LAMA1: variants seen among roughly 807,000 people sequenced by gnomAD.
LAMA1 encodes laminin subunit alpha 1.
In LAMA1, 219 loss-of-function variants were observed where a neutral mutation model predicts 348.7. The observed-to-expected ratio is 0.63, with a 90% confidence interval of 0.56 to 0.70. The LOEUF (loss-of-function observed/expected upper bound fraction) is 0.70, where lower values mean the gene tolerates loss of function less well. Ranked by LOEUF, LAMA1 falls within the 30% of genes least tolerant of loss-of-function variation. The pLI, the probability that LAMA1 is intolerant of heterozygous loss-of-function variation, is 0.00. For synonymous variants in LAMA1, 1,487 were observed against 1,491.0 expected (o/e 1.00, Z 0.06); for missense variants, 3,744 against 3,888.0 (o/e 0.96, Z 0.99).
intron 33 of LAMA1, among the ~76,000 whole-genome samples, chr18:6,995,903 A>T (rs2057779131): frequency 6.6e-6 from 1 of 152,204 alleles, no homozygotes; most frequent in African/African-American, 2.4e-5. Context: ...TTCTTGTATA[A>T]TTTTATTTCA....
chr18:7,008,673 C>T, intron 27 of LAMA1, 65 bp from the exon 28 acceptor site: 2 of 1,569,282 alleles, frequency 1.3e-6, no homozygotes, highest in South Asian at 2.2e-5. Flanking sequence ...AAACATAGCA[C>T]ATGACCTAAC....
rs576681435 is a variant in LAMA1, at chr18:6,979,214, G to A, written c.6008-836C>T. ...AAGAAAAGGAAAAAAAAAATCTTCC[G>A]GATCAGAAAATGCTCCATTGTTTCA... On this transcript the variant is annotated intron_variant, in intron 42 of 62. Transcript: ENST00000389658. Among the ~76,000 whole-genome samples, 136 of 152,148 alleles carry A rather than the reference G, an allele frequency of 8.9e-4. No individual in the cohort carries two copies. The Middle Eastern group carries it at 0.017, about 19-fold the overall frequency.
intron 3 of LAMA1, among the ~76,000 whole-genome samples, chr18:7,077,951 C>T (rs1429233647): frequency 6.6e-6 from 1 of 150,600 alleles, no homozygotes; most frequent in Non-Finnish European, 1.5e-5. Context: ...GTAATCCCAG[C>T]TACTCAGGAG....
intron 19 of LAMA1, among the ~76,000 whole-genome samples, chr18:7,018,693 C>T (rs1600397297): frequency 6.6e-6 from 1 of 152,128 alleles, no homozygotes; most frequent in East Asian, 1.9e-4. Flanking sequence ...CCGCGCCGGG[C>T]CCCCAGGCAC....
rs758572977 is a variant in LAMA1, at chr18:7,014,026, G to A, written c.3152C>T (p.Ser1051Leu). The change falls in exon 23 of 63, where the codon TCG (serine) becomes TTG (leucine). Residue 1051 changes from serine to leucine, a missense_variant. Coordinates refer to ENST00000389658, the MANE Select transcript of LAMA1 (RefSeq NM_005559.4). ...GACCACATCGCACCGATGATGAGTC[G>A]ACCCCACGAGACTGCAATTGCAGGC... Reference protein sequence around the residue: ...CQACNCSLVGSTHHRCDVVTG... With the variant: ...CQACNCSLVGLTHHRCDVVTG... 32 of 1,613,702 alleles carry A rather than the reference G, an allele frequency of 2.0e-5. No individual in the cohort carries two copies. Among genetic ancestry groups the A allele is most frequent in the South Asian group, 4.4e-5 (4 of 90,980 alleles).
chr18:7,093,335 G>T (rs2058247421), intron 1 of LAMA1, among the ~76,000 whole-genome samples: 1 of 152,128 alleles, frequency 6.6e-6, no homozygotes, highest in Non-Finnish European at 1.5e-5. Context: ...AGAATGGCAT[G>T]AACCCGGGAG....
intron 3 of LAMA1, among the ~76,000 whole-genome samples, chr18:7,070,347 C>A (rs2058140801): frequency 6.6e-6 from 1 of 152,140 alleles, no homozygotes; most frequent in African/African-American, 2.4e-5. Context: ...TAATCTCTTT[C>A]CAGGAACAGC....
intron 48 of LAMA1, among the ~76,000 whole-genome samples, chr18:6,971,226 G>T (rs1328316389): frequency 2.6e-5 from 4 of 152,078 alleles, no homozygotes; most frequent in African/African-American, 9.7e-5. Flanking sequence ...GGGTTGGGGG[G>T]GAAGATGTTG....
In LAMA1 at chr18:6,992,652, G is replaced by C. The variant is rs749613309; in HGVS notation, c.5077C>G (p.Gln1693Glu). 1 of 1,613,856 alleles carries C rather than the reference G, an allele frequency of 6.2e-7. No homozygotes were observed. Among genetic ancestry groups the C allele is most frequent in the South Asian group, 1.1e-5 (1 of 91,074 alleles). Residue 1693 changes from glutamine (Q) to glutamate (E), a missense_variant, in exon 36 of 63, where the codon CAG (glutamine) becomes GAG (glutamate). This residue lies in a region of LAMA1 where 1,983 missense variants were observed against 1,934.3 expected (regional missense o/e 1.03). Transcript: ENST00000389658. ...EDFLLPNSTL[Q>E]NMQQNGTSLL... is the part of the protein sequence containing the mutation. Reference sequence around the variant, plus strand: ...GATGTACCATTCTGTTGCATGTTCTGAAGAGTAGAATTGGGTAGTAGGAAA... The same window carrying C: ...GATGTACCATTCTGTTGCATGTTCTCAAGAGTAGAATTGGGTAGTAGGAAA...
chr18:6,985,501 T>C, intron 38 of LAMA1, 26 bp downstream of exon 38: 1 of 1,609,328 alleles, frequency 6.2e-7, no homozygotes, highest in Non-Finnish European at 8.5e-7. Context: ...AAAACTGTAC[T>C]GTGGCTGTGC....
chr18:7,066,361 A>C (rs1200230928), intron 3 of LAMA1, among the ~76,000 whole-genome samples: 2 of 152,240 alleles, frequency 1.3e-5, no homozygotes, highest in Non-Finnish European at 2.9e-5. Flanking sequence ...TTTTTAATCA[A>C]TATTCCAATG....
intron 7 of LAMA1, among the ~76,000 whole-genome samples, chr18:7,044,263 T>C (rs1211486595): frequency 6.6e-6 from 1 of 151,570 alleles, no homozygotes; most frequent in Non-Finnish European, 1.5e-5. Flanking sequence ...TGTTAACATA[T>C]GCGTTATATG....
chr18:7,017,469 A>T (rs964921795), intron 19 of LAMA1, 85 bp from the exon 20 acceptor site: 35 of 907,128 alleles, frequency 3.9e-5, no homozygotes, highest in Non-Finnish European at 5.9e-5. Context: ...GGAAAAAAAA[A>T]ATGTAAACTT....
Position 7,023,140 on chromosome 18 carries a change from C to T in LAMA1, c.2701+24G>A, listed in dbSNP as rs12605782. The T allele has an allele frequency of 1.8e-3, 2,941 of 1,604,380 alleles. 28 individuals are homozygous for T. The African/African-American group carries it at 0.027, about 15-fold the overall frequency. On this transcript the variant is annotated intron_variant, in intron 19 of 62. Coordinates refer to ENST00000389658, the MANE Select transcript of LAMA1 (RefSeq NM_005559.4). ...CTTCCTATGGCAATAAACAGCTGAC[C>T]TGACTTCACGCTCACGCACTCACCG...
intron 57 of LAMA1, chr18:6,954,315 AG>A (rs2057564105): frequency 6.6e-6 from 1 of 152,120 alleles, no homozygotes; most frequent in Non-Finnish European, 1.5e-5. Flanking sequence ...GGAGTGGGAG[AG>A]AGAAAGGGTT....
At chr18:7,115,123 C>T (rs1310676833) in intron 1 of LAMA1, among the ~76,000 whole-genome samples, 1 of 152,152 alleles carries the variant, frequency 6.6e-6, no homozygotes, top group Non-Finnish European at 1.5e-5. Context: ...TTCATGGGCC[C>T]TTAGAGAATA....
chr18:6,985,115 A>C (rs1236511421), intron 39 of LAMA1, 122 bp downstream of exon 39: 4 of 1,188,764 alleles, frequency 3.4e-6, no homozygotes, highest in South Asian at 1.2e-5. Flanking sequence ...CAGGTAAATA[A>C]AACAGGAGTG....
At position 6,958,617 on chromosome 18, in the gene LAMA1, C is replaced by T; in HGVS notation, c.7824G>A (p.Lys2608=). 4 of 1,614,194 alleles carry T rather than the reference C, an allele frequency of 2.5e-6. No homozygotes were observed. Among genetic ancestry groups the T allele is most frequent in the Non-Finnish European group, 2.5e-6 (3 of 1,180,024 alleles). The part of the protein sequence containing the change: ...QLDENNPVEM[K]LGTLVESRTI... ...TCCTGCTTTCTACTAATGTGCCCAA[C>T]TTCATTTCCACAGGATTGTTCTCAT... The change falls in exon 55 of 63, where the codon AAG becomes AAA. Residue 2608 remains lysine, a synonymous_variant. Coordinates refer to ENST00000389658, the MANE Select transcript of LAMA1 (RefSeq NM_005559.4).
At chr18:6,970,047 T>C (rs2057651137) in intron 48 of LAMA1, among the ~76,000 whole-genome samples, 1 of 152,068 alleles carries the variant, frequency 6.6e-6, no homozygotes, top group African/African-American at 2.4e-5. Flanking sequence ...CTGGGGTCAG[T>C]GGAGGGGATA....
Sources: gnomAD v4.1 joint callset for allele counts (sites outside exome capture counted in the v4.1 genomes callset) on GRCh38, gnomAD v4.1.1 for gene constraint, gnomAD v4.1.1 regional missense constraint, MANE v1.5 for transcripts, NCBI Gene and HGNC (gene_info 2026-07-23, HGNC 2026-07-21) for gene names.